TEX9: variants seen among roughly 807,000 people sequenced by gnomAD.
TEX9 encodes testis expressed 9, also known as testis-expressed protein 9.
In TEX9, 74 loss-of-function variants were observed where a neutral mutation model predicts 59.6. The ratio of observed to expected loss-of-function variants is 1.24; its 90% confidence interval spans 1.03 to 1.51. TEX9 has a LOEUF of 1.51. TEX9 is among the 40% of genes most tolerant of loss of function. The probability of loss-of-function intolerance (pLI) is 0.00; values close to 1 mark genes in which losing one functional copy is unlikely to be tolerated. For synonymous variants in TEX9, 186 were observed against 152.2 expected (o/e 1.22, Z -1.64); for missense variants, 522 against 447.8 (o/e 1.17, Z -1.49).
intron 1 of TEX9, among the ~76,000 whole-genome samples, chr15:56,334,244 C>G (rs1238963121): frequency 6.6e-6 from 1 of 152,132 alleles, no homozygotes; most frequent in African/African-American, 2.4e-5. Context: ...AACTACACTA[C>G]CTGACTTCAA....
intron 9 of TEX9, among the ~76,000 whole-genome samples, chr15:56,403,694 A>G (rs571356731): frequency 4.5e-4 from 68 of 152,350 alleles, no homozygotes; most frequent in Admixed American, 4.4e-3. Context: ...AGCCAAAAGA[A>G]CAAAGCTGGA....
At chr15:56,275,407 C>T (rs2044644434) in intron 1 of TEX9, among the ~76,000 whole-genome samples, 1 of 152,166 alleles carries the variant, frequency 6.6e-6, no homozygotes, top group Non-Finnish European at 1.5e-5. Flanking sequence ...CTCTTGCTCT[C>T]TCCCAAATCT....
At chr15:56,335,803 TA>T (rs1168881070) in intron 1 of TEX9, among the ~76,000 whole-genome samples, 2 of 152,048 alleles carry the variant, frequency 1.3e-5, no homozygotes, top group African/African-American at 4.8e-5. Flanking sequence ...AAATTAAAAA[TA>T]AAAAAATTTG....
At chr15:56,259,800 T>C (rs2044223087) in intron 1 of TEX9, among the ~76,000 whole-genome samples, 1 of 152,070 alleles carries the variant, frequency 6.6e-6, no homozygotes, top group Non-Finnish European at 1.5e-5. Flanking sequence ...GGGATTGCAT[T>C]GAATCAATAA....
the TEX9 span, among the ~76,000 whole-genome samples, chr15:56,458,662 A>G: frequency 1.6e-3 from 237 of 152,234 alleles, no homozygotes; most frequent in African/African-American, 5.5e-3. Flanking sequence ...CTGTTTCCAT[A>G]GTTTTGCCTT....
intron 1 of TEX9, among the ~76,000 whole-genome samples, chr15:56,356,888 T>C (rs1296318105): frequency 6.6e-6 from 1 of 152,100 alleles, no homozygotes; most frequent in Non-Finnish European, 1.5e-5. Context: ...AAAATAAATG[T>C]CAAATGGTGC....
At chr15:56,269,594 G>A (rs1425713004) in intron 1 of TEX9, among the ~76,000 whole-genome samples, 1 of 151,624 alleles carries the variant, frequency 6.6e-6, no homozygotes, top group Non-Finnish European at 1.5e-5. Flanking sequence ...TGGTCATTCA[G>A]GAGCAGGTTG....
chr15:56,442,457 T>C (rs553534232), intron 12 of TEX9, among the ~76,000 whole-genome samples: 133 of 152,334 alleles, frequency 8.7e-4, no homozygotes, highest in African/African-American at 3.0e-3. Context: ...ATAGCAGCAC[T>C]ATTCACAATG....
At chr15:56,430,354 G>A (rs2050551464) in intron 12 of TEX9, among the ~76,000 whole-genome samples, 200 bp downstream of exon 12, 1 of 152,088 alleles carries the variant, frequency 6.6e-6, no homozygotes, top group African/African-American at 2.4e-5. Flanking sequence ...CTACAGGCGT[G>A]CATCACCACA....
rs143987442 is a variant in TEX9, at chr15:56,340,216, G to T, written c.-106-33225G>T. Among the ~76,000 whole-genome samples the T allele has an allele frequency of 7.2e-5, 11 of 152,268 alleles. No homozygotes were observed. The East Asian group carries it at 2.1e-3, about 29-fold the overall frequency. On this transcript the variant is annotated intron_variant, in intron 1 of 5. Transcript: ENST00000560827. ...TGTTCACAGTTCAAGAAACAAATGT[G>T]AGGATTCTGCCAATTGCTAAGTATA...
intron 9 of TEX9, chr15:56,397,893 A>C (rs2048555377): frequency 6.5e-6 from 1 of 152,818 alleles, no homozygotes; most frequent in Non-Finnish European, 1.5e-5. Context: ...CAGCCATGTG[A>C]AACTGTGAGT....
chr15:56,432,644 ATCTGATTTCCATTTAGTTTTTAG>A (rs1272986659), intron 12 of TEX9, among the ~76,000 whole-genome samples: 1 of 152,168 alleles, frequency 6.6e-6, no homozygotes, highest in African/African-American at 2.4e-5. Context: ...AGGTGGCTTT[ATCTGATTTCCATTTAGTTTTTAG>A]TCTGATTTCT....
At chr15:56,302,665 C>A (rs182913258) in intron 1 of TEX9, among the ~76,000 whole-genome samples, 1 of 152,004 alleles carries the variant, frequency 6.6e-6, no homozygotes, top group Admixed American at 6.6e-5. Flanking sequence ...ACAAAACAAC[C>A]AGATAACAAA....
intron 1 of TEX9, among the ~76,000 whole-genome samples, chr15:56,279,549 A>G (rs2044763874): frequency 3.9e-5 from 6 of 152,146 alleles, no homozygotes; most frequent in Admixed American, 3.9e-4. Context: ...GGGGAAGAAA[A>G]CCACAACCAC....
intron 9 of TEX9, among the ~76,000 whole-genome samples, chr15:56,406,853 G>A (rs1294685974): frequency 6.6e-6 from 1 of 152,116 alleles, no homozygotes; most frequent in Non-Finnish European, 1.5e-5. Context: ...ATTTTGAATA[G>A]TTTCTCTCAA....
chr15:56,319,715 T>C (rs1342667717), intron 1 of TEX9, among the ~76,000 whole-genome samples: 1 of 152,098 alleles, frequency 6.6e-6, no homozygotes, highest in Non-Finnish European at 1.5e-5. Context: ...CAGTCAAAAT[T>C]GGCCCTATGA....
At chr15:56,360,109 T>A (rs1485341490) in intron 1 of TEX9, among the ~76,000 whole-genome samples, 2 of 152,220 alleles carry the variant, frequency 1.3e-5, no homozygotes, top group African/African-American at 4.8e-5. Flanking sequence ...ATAATTCTTT[T>A]TAGACATTGT....
intron 12 of TEX9, chr15:56,444,330 T>C (rs2050870446): frequency 2.5e-6 from 2 of 790,328 alleles, no homozygotes; most frequent in East Asian, 5.4e-5. Flanking sequence ...CTAGTATTTA[T>C]TGAGCACTTA....
chr15:56,308,662 T>C (rs2045536808), intron 1 of TEX9, among the ~76,000 whole-genome samples: 1 of 152,188 alleles, frequency 6.6e-6, no homozygotes, highest in Non-Finnish European at 1.5e-5. Flanking sequence ...TCCTGTTTTC[T>C]TCTAACAGTT....
Sources: gnomAD v4.1 joint callset for allele counts (sites outside exome capture counted in the v4.1 genomes callset) on GRCh38, gnomAD v4.1.1 for gene constraint, MANE v1.5 for transcripts, NCBI Gene and HGNC (gene_info 2026-07-23, HGNC 2026-07-21) for gene names.